Variants in COL4A1 observed in about 807,000 individuals in gnomAD.
The protein encoded by COL4A1 is collagen type IV alpha 1 chain, also known as collagen alpha-1(IV) chain.
In COL4A1, 40 loss-of-function variants were observed where a neutral mutation model predicts 216.6. The observed-to-expected ratio is 0.18, with a 90% confidence interval of 0.14 to 0.24. The LOEUF (loss-of-function observed/expected upper bound fraction) is 0.24. Among genes scored for constraint, COL4A1 ranks in the 10% least tolerant of loss-of-function variants. The pLI is 1.00. For missense variants in COL4A1, 1,628 were observed against 2,196.8 expected (o/e 0.74, Z 5.18); for synonymous variants, 839 against 810.7 (o/e 1.03, Z -0.59).
intron 2 of COL4A1, among the ~76,000 whole-genome samples, chr13:110,225,709 A>G (rs1432488511): frequency 6.6e-6 from 1 of 152,246 alleles, no homozygotes; most frequent in Non-Finnish European, 1.5e-5. Flanking sequence ...ATGACTGCAA[A>G]AACAAGCACC....
At chr13:110,171,197 G>T (rs1475765162) in intron 41 of COL4A1, among the ~76,000 whole-genome samples, 2 of 152,232 alleles carry the variant, frequency 1.3e-5, no homozygotes, top group Non-Finnish European at 2.9e-5. Context: ...TGTCGTGGGA[G>T]AGTAGTCAGG....
chr13:110,211,724 G>A lies in COL4A1; in HGVS notation c.442-51C>T, dbSNP rs1225871354. On this transcript the variant is annotated intron_variant, in intron 7 of 51. Transcript: ENST00000375820. This position sits in a 1 kb window ranked among gnomAD's most constrained non-coding sequence, Gnocchi z 4.3. Reference sequence around the variant, plus strand: ...TTTTGTTTTTCTCAAAATATCATTAGCATTAAAATTGTTATCATGTAATAT... The same window carrying A: ...TTTTGTTTTTCTCAAAATATCATTAACATTAAAATTGTTATCATGTAATAT... 6.4e-7 allele frequency: 1 copy of A among 1,561,360 alleles called. No individual in the cohort carries two copies. Among genetic ancestry groups the A allele is most frequent in the South Asian group, 1.2e-5 (1 of 86,184 alleles).
intron 2 of COL4A1, among the ~76,000 whole-genome samples, chr13:110,238,597 C>T (rs7989246): frequency 0.2 from 30,034 of 152,154 alleles, 3,403 homozygotes; most frequent in African/African-American, 0.3. Flanking sequence ...ATTTGTTTTC[C>T]CAACAGATTC....
Position 110,252,474 on chromosome 13 carries a change from G to GTATTATATATACGTATAATTATACGTA in COL4A1, c.85-9767_85-9741dup, listed in dbSNP as rs1882128985. On this transcript the variant is annotated intron_variant, in intron 1 of 51. Coordinates refer to ENST00000375820, the MANE Select transcript of COL4A1 (RefSeq NM_001845.6). Reference sequence around the variant, plus strand: ...ATGTATTATATACATATAATTATATGTATTATATATACGTATAATTATACG... The same window carrying GTATTATATATACGTATAATTATACGTA: ...ATGTATTATATACATATAATTATATGTATTATATATACGTATAATTATACGTATATTATATATACGTATAATTATACG... Among the ~76,000 whole-genome samples the GTATTATATATACGTATAATTATACGTA allele has an allele frequency of 4.7e-4, 11 of 23,554 alleles. 4 individuals are homozygous for GTATTATATATACGTATAATTATACGTA. The highest frequency in any genetic ancestry group is 1.4e-3 in the Admixed American group (2 of 1,434). 15.5% of individuals were successfully genotyped at this position (23,554 alleles called of 152,430 possible).
At chr13:110,296,071 T>C (rs938263170) in intron 1 of COL4A1, among the ~76,000 whole-genome samples, 7 of 152,254 alleles carry the variant, frequency 4.6e-5, no homozygotes, top group African/African-American at 1.7e-4. Context: ...TTTTGCACTC[T>C]GCCCTATTAA....
chr13:110,163,511 C>T lies in COL4A1; in HGVS notation c.4201G>A (p.Asp1401Asn). The change falls in exon 47 of 52, where the codon GAC becomes AAC. Residue 1401 changes from aspartate to asparagine, a missense_variant. By Grantham distance (23) the Asp-to-Asn change is conservative. Around this residue, in one of 8 missense-constraint regions of COL4A1, gnomAD observed 345 missense variants for 476.9 expected, o/e 0.72. Coordinates refer to ENST00000375820, the MANE Select transcript of COL4A1 (RefSeq NM_001845.6). ...IPGPPGIPGF[D>N]GAPGQKGEMG... ...TCTCCTTTCTGGCCAGGGGCACCGT[C>T]AAACCCAGGAATACCTGGAGGTCCA... 1 of 1,614,158 alleles carries T rather than the reference C, an allele frequency of 6.2e-7. No individual in the cohort carries two copies. The highest frequency in any genetic ancestry group is 8.5e-7 in the Non-Finnish European group (1 of 1,180,022).
Position 110,166,837 on chromosome 13 carries a change from C to T in COL4A1, c.3949+321G>A, listed in dbSNP as rs143906461. Among the ~76,000 whole-genome samples the T allele has an allele frequency of 2.6e-5, 4 of 152,182 alleles. No homozygotes were observed. In the East Asian group the frequency reaches 7.7e-4, roughly 29 times the overall value. On this transcript the variant is annotated intron_variant, in intron 44 of 51. Transcript: ENST00000375820. ...TGACTCAGCAGTAAAAACTGCAGTG[C>T]CTGGGGAGCTGGTAAGCAGCCCAAA...
chr13:110,262,722 T>G (rs1882878397), intron 1 of COL4A1, among the ~76,000 whole-genome samples: 1 of 152,226 alleles, frequency 6.6e-6, no homozygotes, highest in Non-Finnish European at 1.5e-5. Flanking sequence ...ACGCATCTCC[T>G]GATTCTGCTG....
intron 18 of COL4A1, chr13:110,201,795 A>G: frequency 3.4e-6 from 2 of 594,626 alleles, no homozygotes; most frequent in Non-Finnish European, 6.4e-6. Context: ...CAGCCTGGTC[A>G]ATATGGTGAA....
chr13:110,222,700 G>T (rs1471781110), intron 2 of COL4A1, among the ~76,000 whole-genome samples: 1 of 134,506 alleles, frequency 7.4e-6, no homozygotes, highest in African/African-American at 2.6e-5. Flanking sequence ...ATGAACCAGG[G>T]AGGCAGAGCT....
At chr13:110,306,904 CG>C in intron 1 of COL4A1, 39 bp downstream of exon 1, 3 of 1,434,054 alleles carry the variant, frequency 2.1e-6, no homozygotes, top group South Asian at 2.8e-5. Flanking sequence ...CGCCCAAGCT[CG>C]GGGCGGGACG....
At chr13:110,182,464 G>A (rs748306905) in intron 28 of COL4A1, among the ~76,000 whole-genome samples, 25 of 152,220 alleles carry the variant, frequency 1.6e-4, no homozygotes, top group Non-Finnish European at 2.4e-4. Context: ...TGACAAGTGT[G>A]TTGATCAAGG....
At chr13:110,282,443 C>G (rs1228733648) in intron 1 of COL4A1, among the ~76,000 whole-genome samples, 1 of 152,204 alleles carries the variant, frequency 6.6e-6, no homozygotes, top group Non-Finnish European at 1.5e-5. Flanking sequence ...TTCATCCCTA[C>G]TGTACCTTCC....
chr13:110,152,010 G>A lies in COL4A1; in HGVS notation c.4928+324C>T, dbSNP rs185723846. On this transcript the variant is annotated intron_variant, in intron 51 of 51. Transcript: ENST00000375820. ...TGAACGCTGCTCACTTCTTCTCCCC[G>A]GGATTGTTAAATATACTGTATTTCA... Among the ~76,000 whole-genome samples the A allele has an allele frequency of 1.7e-4, 26 of 152,206 alleles. No individual in the cohort carries two copies. In the East Asian group the frequency reaches 3.3e-3, roughly 19 times the overall value.
intron 1 of COL4A1, among the ~76,000 whole-genome samples, chr13:110,253,816 CGT>C (rs1882385367): frequency 4.8e-5 from 4 of 82,928 alleles, no homozygotes; most frequent in Middle Eastern, 6.3e-3. Flanking sequence ...TATAATTATA[CGT>C]ATGTATGTAT....
intron 1 of COL4A1, among the ~76,000 whole-genome samples, chr13:110,270,045 C>T (rs567862231): frequency 1.6e-4 from 25 of 152,204 alleles, no homozygotes; most frequent in Admixed American, 7.2e-4. Context: ...GCCTTCACCC[C>T]GCACTCCACT....
At position 110,150,418 on chromosome 13, in the gene COL4A1, G is replaced by A; in HGVS notation, c.4955C>T (p.Ala1652Val). The A allele has an allele frequency of 6.2e-7, 1 of 1,614,068 alleles. No homozygotes were observed. Among genetic ancestry groups the A allele is most frequent in the Non-Finnish European group, 8.5e-7 (1 of 1,180,018 alleles). ...GCTGACGTGCGTGCGCAGCTCCCCT[G>A]CCTTCAAGGTGGACGGCGTAGGCTT... is the stretch of plus-strand genomic sequence containing the variant. Reference protein sequence around the residue: ...FKKPTPSTLKAGELRTHVSRC... With the variant: ...FKKPTPSTLKVGELRTHVSRC... Residue 1652 changes from alanine to valine, a missense_variant, in exon 52 of 52, where the codon GCA (alanine) becomes GTA (valine). Physicochemically the swap from Ala to Val is moderately conservative, Grantham distance 64. Transcript: ENST00000375820.
Position 110,212,496 on chromosome 13 carries a change from G to A in COL4A1, c.325-17C>T, listed in dbSNP as rs572149291. The A allele has an allele frequency of 1.1e-5, 18 of 1,614,224 alleles. No individual in the cohort carries two copies. The African/African-American group carries it at 1.7e-4, about 16-fold the overall frequency. ...AGGAATTCCCTGCAATGAAGAAAGT[G>A]AAAATGTAACCCAGGCAGAAAATCG... On this transcript the variant is annotated splice_polypyrimidine_tract_variant and intron_variant, in intron 5 of 51. Transcript: ENST00000375820.
chr13:110,280,440 C>T (rs1185613572), intron 1 of COL4A1, among the ~76,000 whole-genome samples: 1 of 152,206 alleles, frequency 6.6e-6, no homozygotes, highest in Non-Finnish European at 1.5e-5. Context: ...CTCATGAATA[C>T]ATCACAAAGT....
Sources: allele counts gnomAD v4.1 joint callset (sites outside exome capture counted in the v4.1 genomes callset), GRCh38; gene constraint gnomAD v4.1.1; regional missense constraint gnomAD v4.1.1; non-coding constraint Gnocchi (gnomAD v3.1); transcripts MANE v1.5; gene names NCBI Gene and HGNC (gene_info 2026-07-23, HGNC 2026-07-21).